IQCJ: variants seen among roughly 807,000 people sequenced by gnomAD.
IQCJ encodes IQ motif containing J, also known as IQ domain-containing protein J.
IQCJ carries 9 observed loss-of-function variants against 11.0 expected under a neutral mutation model. The observed-to-expected ratio is 0.82, with a 90% CI of 0.49 to 1.43. IQCJ has a LOEUF of 1.43. Among genes scored for constraint, IQCJ ranks in the 40% most tolerant of loss-of-function variants. IQCJ has a pLI of 0.00. For synonymous variants in IQCJ, 55 were observed against 51.3 expected, an observed-to-expected ratio of 1.07 and a Z score of -0.31; for missense variants, 146 against 133.2, an observed-to-expected ratio of 1.10 and a Z score of -0.47.
chr3:159,263,780 G>T, downstream of IQCJ: 1 of 985,304 alleles, frequency 1.0e-6, no homozygotes, highest in Non-Finnish European at 1.2e-6. Flanking sequence ...TAAAGAGAGA[G>T]AATAAGTTGA....
chr3:159,115,302 C>T (rs1169822568), intron 1 of IQCJ, among the ~76,000 whole-genome samples: 1 of 152,182 alleles, frequency 6.6e-6, no homozygotes, highest in African/African-American at 2.4e-5. Flanking sequence ...CCCCCATTAA[C>T]ACATGGATGG....
At chr3:159,126,765 CCTT>C (rs1217830774) in intron 1 of IQCJ, among the ~76,000 whole-genome samples, 6 of 152,280 alleles carry the variant, frequency 3.9e-5, no homozygotes, top group South Asian at 4.1e-4. Flanking sequence ...AGCACATTGA[CCTT>C]CTTTTTTTTT....
intron 1 of IQCJ, among the ~76,000 whole-genome samples, chr3:159,242,275 T>C (rs989231179): frequency 1.1e-4 from 17 of 152,118 alleles, no homozygotes; most frequent in East Asian, 3.9e-4. Context: ...AACCACTGAA[T>C]TATGAAGAAG....
intron 1 of IQCJ, among the ~76,000 whole-genome samples, chr3:159,121,558 G>A (rs139816052): frequency 5.8e-4 from 88 of 152,262 alleles, no homozygotes; most frequent in African/African-American, 2.0e-3. Flanking sequence ...AAAGGAGGTT[G>A]GTATGTATGC....
At chr3:159,222,692 C>T (rs1725620722) in intron 1 of IQCJ, among the ~76,000 whole-genome samples, 1 of 151,888 alleles carries the variant, frequency 6.6e-6, no homozygotes, top group Non-Finnish European at 1.5e-5. Flanking sequence ...GGTACTCTTG[C>T]CTAAAAATAA....
intron 1 of IQCJ, among the ~76,000 whole-genome samples, chr3:159,206,007 G>A (rs1376712273): frequency 2.6e-5 from 4 of 152,158 alleles, no homozygotes; most frequent in Admixed American, 2.0e-4. Flanking sequence ...CTCTGCCACA[G>A]ATTTTTCTTC....
chr3:159,212,799 A>G (rs1431504151), intron 1 of IQCJ, among the ~76,000 whole-genome samples: 1 of 152,190 alleles, frequency 6.6e-6, no homozygotes, highest in Non-Finnish European at 1.5e-5. Flanking sequence ...GGAAAATATT[A>G]AGCCAACTTT....
intron 1 of IQCJ, among the ~76,000 whole-genome samples, chr3:159,204,705 A>G (rs1035494012): frequency 6.6e-6 from 1 of 152,186 alleles, no homozygotes; most frequent in African/African-American, 2.4e-5. Flanking sequence ...GCCATCTTCA[A>G]TCTGCCATAA....
chr3:159,220,770 T>C (rs1035550127), intron 1 of IQCJ, among the ~76,000 whole-genome samples: 1 of 152,166 alleles, frequency 6.6e-6, no homozygotes, highest in Non-Finnish European at 1.5e-5. Flanking sequence ...TTTTAGAAAC[T>C]AACATTTGGG....
intron 1 of IQCJ, among the ~76,000 whole-genome samples, chr3:159,231,863 G>C (rs938212395): frequency 1.3e-5 from 2 of 152,136 alleles, no homozygotes; most frequent in African/African-American, 4.8e-5. Flanking sequence ...TCTTGGGAGG[G>C]TGTATGTGTC....
intron 1 of IQCJ, among the ~76,000 whole-genome samples, chr3:159,084,354 A>G (rs1345412813): frequency 6.6e-6 from 1 of 152,088 alleles, no homozygotes; most frequent in Admixed American, 6.6e-5. Context: ...TTCTTAGGAC[A>G]GTTTTAGAGT....
At chr3:159,134,997 G>A (rs1309576510) in intron 1 of IQCJ, among the ~76,000 whole-genome samples, 1 of 152,146 alleles carries the variant, frequency 6.6e-6, no homozygotes, top group East Asian at 1.9e-4. Flanking sequence ...GTCAGACCTA[G>A]AAAATTATAT....
At chr3:159,209,730 T>G (rs1724852155) in intron 1 of IQCJ, among the ~76,000 whole-genome samples, 1 of 152,012 alleles carries the variant, frequency 6.6e-6, no homozygotes, top group Admixed American at 6.6e-5. Flanking sequence ...CCACAAGGGG[T>G]TTGAGCTGGA....
chr3:159,117,257 C>G (rs986918296), intron 1 of IQCJ, among the ~76,000 whole-genome samples: 2 of 152,234 alleles, frequency 1.3e-5, no homozygotes, highest in Middle Eastern at 3.4e-3. Flanking sequence ...TTGCTCTGTC[C>G]AGGTTCTCCT....
chr3:159,244,742 T>C (rs1455362570), intron 1 of IQCJ, among the ~76,000 whole-genome samples: 15 of 152,150 alleles, frequency 9.9e-5, no homozygotes, highest in Admixed American at 4.6e-4. Flanking sequence ...TTTAAGAGAT[T>C]GCATAATGGG....
At chr3:159,144,869 T>A (rs1720835617) in intron 1 of IQCJ, among the ~76,000 whole-genome samples, 1 of 152,238 alleles carries the variant, frequency 6.6e-6, no homozygotes, top group African/African-American at 2.4e-5. Flanking sequence ...TCATTTCTAA[T>A]AAAGAACATT....
At chr3:159,096,216 G>GT (rs1416640960) in intron 1 of IQCJ, among the ~76,000 whole-genome samples, 6 of 135,554 alleles carry the variant, frequency 4.4e-5, no homozygotes, top group Non-Finnish European at 9.5e-5. Context: ...GGGGTTGTTT[G>GT]TTTTTTTCTT....
intron 1 of IQCJ, among the ~76,000 whole-genome samples, chr3:159,180,857 T>C (rs911867352): frequency 2.6e-5 from 4 of 152,134 alleles, no homozygotes; most frequent in African/African-American, 9.7e-5. Flanking sequence ...TTTCTAGATA[T>C]ATGTTTTTAA....
intron 1 of IQCJ, among the ~76,000 whole-genome samples, chr3:159,160,827 C>A (rs1253602432): frequency 6.6e-6 from 1 of 151,982 alleles, no homozygotes; most frequent in Non-Finnish European, 1.5e-5. Context: ...ATGATGATTT[C>A]CAATTTCATC....
Sources: gnomAD v4.1 joint callset for allele counts (sites outside exome capture counted in the v4.1 genomes callset) on GRCh38, gnomAD v4.1.1 for gene constraint, MANE v1.5 for transcripts, NCBI Gene and HGNC (gene_info 2026-07-23, HGNC 2026-07-21) for gene names.